PKHD1: variants seen among roughly 807,000 people sequenced by gnomAD.
PKHD1 encodes fibrocystin.
Under a neutral mutation model 412.0 loss-of-function variants are expected in PKHD1, and 291 were observed. The ratio of observed to expected loss-of-function variants is 0.71; its 90% CI spans 0.64 to 0.78. PKHD1 has a LOEUF of 0.78. Ranked by LOEUF, PKHD1 falls within the 30% of genes least tolerant of loss-of-function variation. The pLI is 0.00. For missense variants in PKHD1, 4,825 were observed against 4,950.7 expected (o/e 0.97, Z 0.76); for synonymous variants, 1,777 against 1,821.5 (o/e 0.98, Z 0.62).
rs143652536 is a variant in PKHD1 at position 51,895,413 on chromosome 6, G to C, written c.6997-8168C>G. Among the ~76,000 whole-genome samples the C allele has an allele frequency of 2.5e-3, 377 of 152,320 alleles. 3 individuals are homozygous for C. Among genetic ancestry groups the C allele is most frequent in the African/African-American group, 8.1e-3 (337 of 41,570 alleles). ...TGGACTAGACTTTGCAAGATTTAAT[G>C]CTGATAGCCCAACAGAATCTAAATG... On this transcript the variant is annotated intron_variant, in intron 43 of 66. Coordinates refer to ENST00000371117, the MANE Select transcript of PKHD1 (RefSeq NM_138694.4).
rs180933696 is a variant in PKHD1 at position 51,759,462 on chromosome 6, C to T, written c.8643-4524G>A. On this transcript the variant is annotated intron_variant, in intron 55 of 66. Coordinates refer to ENST00000371117, the MANE Select transcript of PKHD1 (RefSeq NM_138694.4). ...AACTGAGGGGAATTAGTAGTAACCT[C>T]CTCACTGGTGGTATAGCTAGGAAAA... Among the ~76,000 whole-genome samples the T allele has an allele frequency of 2.0e-4, 30 of 152,190 alleles. 1 individual carries two copies. Among genetic ancestry groups the T allele is most frequent in the African/African-American group, 6.5e-4 (27 of 41,554 alleles).
chr6:52,085,023 T>C lies in PKHD1; in HGVS notation c.-84-6A>G, dbSNP rs558706165. 9 of 925,460 alleles carry C rather than the reference T, an allele frequency of 9.7e-6. No homozygotes were observed. Among genetic ancestry groups the C allele is most frequent in the South Asian group, 6.8e-5 (5 of 73,874 alleles). The allele number at this position is 925,460 out of a possible 1,614,324, so 57.3% of individuals were successfully genotyped here. A position where few individuals can be genotyped will look rare whatever the true frequency, so the allele number is the denominator to read the frequency against. On this transcript the variant is annotated splice_region_variant and splice_polypyrimidine_tract_variant and intron_variant, in intron 1 of 66. Coordinates refer to ENST00000371117, the MANE Select transcript of PKHD1 (RefSeq NM_138694.4). ...GGAGCAGCATAGCTTTTGTGCTTTA[T>C]AAAAACAAAAAAAGCAAAAAAAAAT... is the stretch of plus-strand genomic sequence containing the variant.
intron 52 of PKHD1, among the ~76,000 whole-genome samples, chr6:51,803,140 A>G (rs760231157): frequency 4.0e-5 from 6 of 151,594 alleles, no homozygotes; most frequent in Middle Eastern, 3.4e-3. Flanking sequence ...TCCTAAATTA[A>G]TAAAGTGCTT....
intron 53 of PKHD1, among the ~76,000 whole-genome samples, chr6:51,777,753 G>C (rs1791295819): frequency 6.9e-6 from 1 of 145,940 alleles, no homozygotes; most frequent in Admixed American, 6.9e-5. Context: ...GAAAAAAGTA[G>C]GACAGTTTTT....
In PKHD1 at chr6:51,975,963, T is replaced by TGAAAAAA. The variant is rs1231391714; in HGVS notation, c.5752-15938_5752-15937insTTTTTTC. 1.3e-3 allele frequency: 91 copies of TGAAAAAA among 69,774 alleles called. 5 individuals are homozygous for TGAAAAAA. Among genetic ancestry groups the TGAAAAAA allele is most frequent in the African/African-American group, 4.4e-3 (81 of 18,508 alleles). The allele number at this position is 69,774 out of a possible 1,614,324, so 4.3% of individuals were successfully genotyped here. ...AACATAGCGAGACCCTTTCTCTAAT[T>TGAAAAAA]AAAAAAAAAAAAAAAAAAAAAAAAA... On this transcript the variant is annotated intron_variant, in intron 35 of 66. Coordinates refer to ENST00000371117, the MANE Select transcript of PKHD1 (RefSeq NM_138694.4).
rs760087550 is a variant in PKHD1 at position 51,911,961 on chromosome 6, A to C, written c.6333-5T>G. The stretch of plus-strand genomic sequence containing the variant: ...TCTGTAAAGTTGTGAGAATATCTGG[A>C]GAAAAAAAGAGGATGATAGAACTGA... On this transcript the variant is annotated splice_polypyrimidine_tract_variant and splice_region_variant and intron_variant, in intron 38 of 66. Transcript: ENST00000371117. 1 of 1,606,506 alleles carries C rather than the reference A, an allele frequency of 6.2e-7. No homozygotes were observed. The highest frequency in any genetic ancestry group is 1.1e-5 in the South Asian group (1 of 90,968).
intron 50 of PKHD1, among the ~76,000 whole-genome samples, chr6:51,844,425 T>C (rs538566079): frequency 3.9e-5 from 6 of 152,246 alleles, no homozygotes; most frequent in Non-Finnish European, 7.3e-5. Flanking sequence ...TGTATGCGTA[T>C]GATTTTTTTC....
chr6:51,873,949 C>T (rs1562511312), intron 46 of PKHD1, among the ~76,000 whole-genome samples: 1 of 152,134 alleles, frequency 6.6e-6, no homozygotes, highest in Non-Finnish European at 1.5e-5. Context: ...TGGGAGACAT[C>T]AGCATGTGGA....
At chr6:51,946,777 T>C (rs1483877793) in intron 36 of PKHD1, among the ~76,000 whole-genome samples, 2 of 152,234 alleles carry the variant, frequency 1.3e-5, no homozygotes, top group Non-Finnish European at 1.5e-5. Context: ...ACTTTTTATA[T>C]GTAATCACCT....
intron 28 of PKHD1, among the ~76,000 whole-genome samples, chr6:52,033,899 C>A (rs536439975): frequency 1.1e-4 from 17 of 151,978 alleles, no homozygotes; most frequent in Non-Finnish European, 2.1e-4. Context: ...GAGGCCGAGG[C>A]GGGTGGATCA....
chr6:51,907,427 A>G (rs544277902), intron 40 of PKHD1, among the ~76,000 whole-genome samples: 1 of 152,244 alleles, frequency 6.6e-6, no homozygotes, highest in East Asian at 1.9e-4. Context: ...TAACCCATCC[A>G]TATCTACTTC....
intron 60 of PKHD1, among the ~76,000 whole-genome samples, chr6:51,694,548 CTTTTTTTTTTTTT>C (rs67157925): frequency 5.3e-5 from 2 of 37,690 alleles, no homozygotes; most frequent in African/African-American, 2.2e-4. Flanking sequence ...CACAACCAGC[CTTTTTTTTTTTTT>C]TTTTTTTTTT....
intron 52 of PKHD1, among the ~76,000 whole-genome samples, chr6:51,805,838 A>C (rs1384524063): frequency 1.3e-5 from 2 of 152,170 alleles, no homozygotes; most frequent in African/African-American, 4.8e-5. Context: ...CTATGGCTGC[A>C]TAGTATTCCA....
intron 50 of PKHD1, among the ~76,000 whole-genome samples, chr6:51,840,752 T>A (rs1770041961): frequency 1.3e-5 from 2 of 152,168 alleles, no homozygotes; most frequent in South Asian, 4.1e-4. Flanking sequence ...TCTTACCAAG[T>A]AAAGAGCGAG....
At chr6:51,674,505 A>G (rs1370725540) in intron 60 of PKHD1, among the ~76,000 whole-genome samples, 3 of 152,138 alleles carry the variant, frequency 2.0e-5, no homozygotes, top group East Asian at 3.8e-4. Context: ...TCCATAGTTC[A>G]TAGAGAAAAA....
intron 14 of PKHD1, 146 bp downstream of exon 14, chr6:52,062,373 G>C: frequency 1.2e-6 from 1 of 866,862 alleles, no homozygotes; most frequent in Non-Finnish European, 1.9e-6. Flanking sequence ...AACACTGATT[G>C]AGAATACTGT....
chr6:51,741,512 T>G (rs1008224054), intron 60 of PKHD1, among the ~76,000 whole-genome samples: 1 of 152,116 alleles, frequency 6.6e-6, no homozygotes, highest in Non-Finnish European at 1.5e-5. Context: ...CCCAAAGTCC[T>G]GACAGAAAAG....
At chr6:51,670,661 G>A (rs1562068176) in intron 60 of PKHD1, among the ~76,000 whole-genome samples, 1 of 151,968 alleles carries the variant, frequency 6.6e-6, no homozygotes, top group Non-Finnish European at 1.5e-5. Context: ...TTTACAATTT[G>A]GCATGATTTT....
At chr6:51,805,125 A>T (rs1426824681) in intron 52 of PKHD1, among the ~76,000 whole-genome samples, 1 of 152,202 alleles carries the variant, frequency 6.6e-6, no homozygotes, top group East Asian at 1.9e-4. Flanking sequence ...CATGGAATCA[A>T]CCTACCTGCC....
Sources: allele counts gnomAD v4.1 joint callset (sites outside exome capture counted in the v4.1 genomes callset), GRCh38; gene constraint gnomAD v4.1.1; transcripts MANE v1.5; gene names NCBI Gene and HGNC (gene_info 2026-07-23, HGNC 2026-07-21).